The following LRP1B variants were observed in gnomAD, a reference collection of about 807,000 sequenced individuals.
LRP1B encodes the protein LDL receptor related protein 1B.
A neutral mutation model predicts 556.6 loss-of-function variants in LRP1B; 217 were observed. That is an observed-to-expected ratio of 0.39 (90% CI 0.35 to 0.44). The LOEUF (loss-of-function observed/expected upper bound fraction) is 0.44. LRP1B is among the 20% of genes least tolerant of loss of function. LRP1B has a pLI of 1.00. For synonymous variants in LRP1B, 2,047 were observed against 1,865.8 expected (o/e 1.10, Z -2.50); for missense variants, 5,053 against 5,620.8 (o/e 0.90, Z 3.23).
intron 32 of LRP1B, among the ~76,000 whole-genome samples, chr2:140,789,728 T>C (rs1690043582): frequency 1.4e-5 from 2 of 144,242 alleles, no homozygotes; most frequent in South Asian, 4.6e-4. Context: ...CCTCCCGGGT[T>C]CACGCCATTC....
chr2:140,365,500 A>G (rs899131344), intron 71 of LRP1B, among the ~76,000 whole-genome samples: 3 of 151,738 alleles, frequency 2.0e-5, no homozygotes, highest in African/African-American at 7.2e-5. Context: ...AATTTGGGTT[A>G]TATGTCTAGA....
chr2:141,764,671 C>T (rs1222340378), intron 2 of LRP1B, among the ~76,000 whole-genome samples: 1 of 143,462 alleles, frequency 7.0e-6, no homozygotes, highest in East Asian at 2.0e-4. Context: ...TGAGACAATA[C>T]ATTTAGGACA....
chr2:140,404,889 T>C (rs896312527), intron 66 of LRP1B, among the ~76,000 whole-genome samples: 4 of 152,212 alleles, frequency 2.6e-5, no homozygotes, highest in Admixed American at 2.6e-4. Flanking sequence ...AACAGATTTC[T>C]ACAAGACATG....
chr2:140,936,765 C>T (rs900051014), intron 20 of LRP1B, among the ~76,000 whole-genome samples: 3 of 152,094 alleles, frequency 2.0e-5, no homozygotes, highest in Non-Finnish European at 2.9e-5. Flanking sequence ...TTGCAAATCA[C>T]ATTTTGTTTT....
At chr2:140,630,141 C>G (rs1683826865) in intron 41 of LRP1B, among the ~76,000 whole-genome samples, 1 of 152,138 alleles carries the variant, frequency 6.6e-6, no homozygotes, top group Admixed American at 6.5e-5. Context: ...GTCAGAAATG[C>G]AAATTCTCAG....
intron 35 of LRP1B, among the ~76,000 whole-genome samples, chr2:140,738,790 A>G (rs1329104258): frequency 6.6e-6 from 1 of 152,194 alleles, no homozygotes; most frequent in Non-Finnish European, 1.5e-5. Context: ...CATGTCTAAG[A>G]TATGAATATT....
intron 27 of LRP1B, among the ~76,000 whole-genome samples, chr2:140,856,508 G>T (rs948437301): frequency 8.5e-5 from 13 of 152,120 alleles, no homozygotes; most frequent in Non-Finnish European, 1.8e-4. Context: ...TTCTATTAAA[G>T]GCCAGATGGT....
chr2:140,699,781 T>C (rs1388285590), intron 41 of LRP1B, among the ~76,000 whole-genome samples: 1 of 147,640 alleles, frequency 6.8e-6, no homozygotes, highest in Non-Finnish European at 1.5e-5. Flanking sequence ...ACATGATATA[T>C]CATATATAAT....
At chr2:140,580,985 C>T (rs751884843) in intron 43 of LRP1B, among the ~76,000 whole-genome samples, 2 of 152,130 alleles carry the variant, frequency 1.3e-5, no homozygotes, top group South Asian at 2.1e-4. Context: ...TCAGTCAGCA[C>T]GCTTATGATC....
chr2:140,312,885 G>A (rs926937467), intron 83 of LRP1B, among the ~76,000 whole-genome samples: 3 of 151,652 alleles, frequency 2.0e-5, no homozygotes, highest in African/African-American at 7.3e-5. Context: ...CATTTCTTTT[G>A]TTCAATTATT....
chr2:140,639,674 G>C (rs1684204449), intron 41 of LRP1B, among the ~76,000 whole-genome samples: 1 of 152,148 alleles, frequency 6.6e-6, no homozygotes, highest in Non-Finnish European at 1.5e-5. Flanking sequence ...CATGCAAGAA[G>C]CAGCATAATC....
intron 2 of LRP1B, among the ~76,000 whole-genome samples, chr2:141,640,997 A>C (rs758983180): frequency 6.6e-6 from 1 of 152,174 alleles, no homozygotes; most frequent in Non-Finnish European, 1.5e-5. Flanking sequence ...AACGTCTGTT[A>C]AATTGTTAAA....
In LRP1B at chr2:140,485,410, A is replaced by T. The variant is rs1211980296; in HGVS notation, c.9358T>A (p.Tyr3120Asn). 3.1e-6 allele frequency: 5 copies of T among 1,613,902 alleles called. No homozygotes were observed. The highest frequency in any genetic ancestry group is 4.2e-6 in the Non-Finnish European group (5 of 1,179,910). The change falls in exon 59 of 91, where the codon TAC becomes AAC. Residue 3120 changes from tyrosine (Y) to asparagine (N), a missense_variant. Physicochemically the swap from Tyr to Asn is moderately radical, Grantham distance 143. Around this residue, in one of 5 missense-constraint regions of LRP1B, gnomAD observed 3,619 missense variants for 3,931.9 expected, o/e 0.92. Coordinates refer to ENST00000389484, the MANE Select transcript of LRP1B (RefSeq NM_018557.3). ...CTTTTGCTAACGAGTATAGTAGGGT[A>T]CAAGCCATTGAGTTTGGATACTTCA... The part of the protein sequence containing the change: ...IIEVSKLNGL[Y>N]PTILVSKRLK...
At chr2:140,688,303 G>A (rs569012152) in intron 41 of LRP1B, among the ~76,000 whole-genome samples, 1 of 152,074 alleles carries the variant, frequency 6.6e-6, no homozygotes, top group Non-Finnish European at 1.5e-5. Flanking sequence ...TAAATCTATT[G>A]ACCCCTTTAT....
intron 2 of LRP1B, among the ~76,000 whole-genome samples, chr2:141,601,643 CT>C (rs569336501): frequency 3.1e-5 from 4 of 130,322 alleles, no homozygotes; most frequent in East Asian, 4.6e-4. Context: ...TCCTTCCTTC[CT>C]TTTTTTTTCC....
chr2:141,794,414 C>T (rs903157410), intron 2 of LRP1B, among the ~76,000 whole-genome samples: 2 of 151,940 alleles, frequency 1.3e-5, no homozygotes, highest in African/African-American at 4.8e-5. Context: ...AGGTGAAGCT[C>T]TTTTGCTGTC....
intron 2 of LRP1B, among the ~76,000 whole-genome samples, chr2:141,526,994 G>A (rs955204551): frequency 1.3e-5 from 2 of 152,086 alleles, no homozygotes; most frequent in African/African-American, 2.4e-5. Flanking sequence ...AAGACTGACA[G>A]TGAATTATAG....
intron 3 of LRP1B, among the ~76,000 whole-genome samples, chr2:141,414,092 C>T (rs1690972054): frequency 6.6e-6 from 1 of 151,644 alleles, no homozygotes; most frequent in Admixed American, 6.6e-5. Context: ...AAAAAATTAG[C>T]CGGGTGTGGT....
chr2:141,736,106 G>C (rs1251264477), intron 2 of LRP1B, among the ~76,000 whole-genome samples: 1 of 152,094 alleles, frequency 6.6e-6, no homozygotes, highest in Non-Finnish European at 1.5e-5. Context: ...TTCCCAGAAA[G>C]AATAGAGGCT....
Sources: allele counts gnomAD v4.1 joint callset (sites outside exome capture counted in the v4.1 genomes callset), GRCh38; gene constraint gnomAD v4.1.1; regional missense constraint gnomAD v4.1.1; transcripts MANE v1.5; gene names NCBI Gene and HGNC (gene_info 2026-07-23, HGNC 2026-07-21).